Variants in DIAPH3 observed in about 807,000 individuals in gnomAD.
DIAPH3 encodes the protein protein diaphanous homolog 3.
A neutral mutation model predicts 144.3 loss-of-function variants in DIAPH3; 117 were observed. The observed-to-expected ratio is 0.81, with a 90% CI of 0.70 to 0.95. DIAPH3 has a LOEUF of 0.95. DIAPH3 is among the 40% of genes least tolerant of loss of function. The probability of loss-of-function intolerance (pLI) is 0.00; values close to 1 mark genes in which losing one functional copy is unlikely to be tolerated. For missense variants in DIAPH3, 1,421 were observed against 1,412.7 expected (o/e 1.01, Z -0.09); for synonymous variants, 519 against 488.9 (o/e 1.06, Z -0.81).
At chr13:60,078,391 CAA>C (rs71815414) in intron 4 of DIAPH3, among the ~76,000 whole-genome samples, 10,055 of 151,860 alleles carry the variant, frequency 0.066, 483 homozygotes, top group Middle Eastern at 0.19. Flanking sequence ...AAGGCAAGAA[CAA>C]AAAAAGACTT....
chr13:60,093,803 G>C, intron 3 of DIAPH3, 71 bp from the exon 4 acceptor site: 1 of 966,114 alleles, frequency 1.0e-6, no homozygotes, highest in Non-Finnish European at 1.7e-6. Flanking sequence ...CACTACAAAT[G>C]GAAAAATCAA....
At chr13:59,742,743 G>T (rs143025344) in intron 27 of DIAPH3, among the ~76,000 whole-genome samples, 1,609 of 152,210 alleles carry the variant, frequency 0.011, 20 homozygotes, top group South Asian at 0.036. Flanking sequence ...AGCAGATCAA[G>T]ACATGTCTCT....
chr13:60,042,185 T>G lies in DIAPH3; in HGVS notation c.626+505A>C, dbSNP rs573828608. 8.5e-5 allele frequency among the ~76,000 whole-genome samples: 13 copies of G among 152,248 alleles called. No homozygotes were observed. In the East Asian group the frequency reaches 1.7e-3, roughly 20 times the overall value. On this transcript the variant is annotated intron_variant, in intron 5 of 27. Coordinates refer to ENST00000400324, the MANE Select transcript of DIAPH3 (RefSeq NM_001042517.2). ...TAAAATACAGGATACAAACTTAAAT[T>G]TGGACGTCAGATAAACAGTGTGTGT...
intron 13 of DIAPH3, among the ~76,000 whole-genome samples, chr13:59,983,382 A>C (rs890305467): frequency 6.6e-6 from 1 of 151,640 alleles, no homozygotes; most frequent in Non-Finnish European, 1.5e-5. Context: ...TTGTTAACAC[A>C]GAATATTAAA....
intron 12 of DIAPH3, among the ~76,000 whole-genome samples, chr13:59,989,964 A>C (rs892108692): frequency 4.6e-5 from 7 of 151,962 alleles, no homozygotes; most frequent in African/African-American, 1.7e-4. Context: ...ACTTTAGAGT[A>C]AATAGAAGTT....
At chr13:60,148,904 G>A (rs1020122697) in intron 1 of DIAPH3, among the ~76,000 whole-genome samples, 1 of 152,144 alleles carries the variant, frequency 6.6e-6, no homozygotes, top group Non-Finnish European at 1.5e-5. Flanking sequence ...CCCCATACCA[G>A]ACTGAATATA....
At chr13:60,074,811 A>T (rs934686699) in intron 4 of DIAPH3, among the ~76,000 whole-genome samples, 1 of 152,078 alleles carries the variant, frequency 6.6e-6, no homozygotes, top group Non-Finnish European at 1.5e-5. Flanking sequence ...AGTCAGATCT[A>T]AGTCATTGGT....
intron 24 of DIAPH3, among the ~76,000 whole-genome samples, chr13:59,823,902 G>A (rs543703529): frequency 3.9e-5 from 6 of 152,134 alleles, no homozygotes; most frequent in Non-Finnish European, 4.4e-5. Flanking sequence ...GGAGAATTCA[G>A]TAGAATAATA....
intron 17 of DIAPH3, among the ~76,000 whole-genome samples, chr13:59,943,200 G>A (rs2048626687): frequency 6.6e-6 from 1 of 152,184 alleles, no homozygotes; most frequent in African/African-American, 2.4e-5. Context: ...ATTTCTTAAT[G>A]TCAACGAAGA....
intron 24 of DIAPH3, among the ~76,000 whole-genome samples, chr13:59,821,495 TA>T (rs1168821456): frequency 2.0e-5 from 3 of 152,090 alleles, no homozygotes; most frequent in Admixed American, 6.5e-5. Context: ...AAAAAAAATT[TA>T]AAAAATTAAT....
At chr13:59,850,238 C>A (rs1383396995) in intron 22 of DIAPH3, among the ~76,000 whole-genome samples, 2 of 151,736 alleles carry the variant, frequency 1.3e-5, no homozygotes, top group Non-Finnish European at 2.9e-5. Flanking sequence ...ATGGGGTTTT[C>A]TAGATAAACA....
intron 4 of DIAPH3, among the ~76,000 whole-genome samples, chr13:60,080,830 T>C (rs1270122294): frequency 1.3e-5 from 2 of 151,976 alleles, no homozygotes; most frequent in Non-Finnish European, 1.5e-5. Context: ...GTAATACAAG[T>C]ATCTGCACAA....
chr13:60,108,475 G>C (rs867960185), intron 3 of DIAPH3, among the ~76,000 whole-genome samples: 1 of 152,062 alleles, frequency 6.6e-6, no homozygotes, highest in Admixed American at 6.6e-5. Flanking sequence ...TGGCATGGTG[G>C]TATGTGCCTG....
intron 4 of DIAPH3, among the ~76,000 whole-genome samples, chr13:60,077,886 T>A (rs1180473418): frequency 1.3e-5 from 2 of 152,090 alleles, no homozygotes; most frequent in Non-Finnish European, 2.9e-5. Flanking sequence ...CAACTCTCTA[T>A]CATTTGGCTT....
chr13:59,902,401 G>A (rs545226617), intron 20 of DIAPH3, among the ~76,000 whole-genome samples: 4 of 152,226 alleles, frequency 2.6e-5, no homozygotes, highest in African/African-American at 9.6e-5. Flanking sequence ...ATGATCATAA[G>A]TCTCCTGAGG....
At chr13:60,038,525 A>G (rs1362002886) in intron 5 of DIAPH3, among the ~76,000 whole-genome samples, 3 of 152,176 alleles carry the variant, frequency 2.0e-5, no homozygotes, top group Admixed American at 2.0e-4. Context: ...CACTTATTAA[A>G]TGGAATAATG....
At chr13:59,874,135 A>C (rs1050731114) in intron 21 of DIAPH3, among the ~76,000 whole-genome samples, 1 of 152,180 alleles carries the variant, frequency 6.6e-6, no homozygotes, top group African/African-American at 2.4e-5. Flanking sequence ...AGCGATTCAC[A>C]TTTCAAGTTG....
chr13:60,028,125 C>T (rs1001024524), intron 5 of DIAPH3, among the ~76,000 whole-genome samples: 4 of 152,148 alleles, frequency 2.6e-5, no homozygotes, highest in African/African-American at 9.7e-5. Context: ...TTTGAACTCT[C>T]GCTGATTTGA....
intron 24 of DIAPH3, among the ~76,000 whole-genome samples, chr13:59,824,734 T>C (rs1438331180): frequency 6.6e-6 from 1 of 152,180 alleles, no homozygotes; most frequent in Non-Finnish European, 1.5e-5. Flanking sequence ...ACCAATATAA[T>C]GCTTCTCCAC....
Sources: gnomAD v4.1 joint callset for allele counts (sites outside exome capture counted in the v4.1 genomes callset) on GRCh38, gnomAD v4.1.1 for gene constraint, MANE v1.5 for transcripts, NCBI Gene and HGNC (gene_info 2026-07-23, HGNC 2026-07-21) for gene names.